Variants in CSMD1 observed in about 807,000 individuals in gnomAD.
The protein encoded by CSMD1 is CUB and sushi domain-containing protein 1.
Under a neutral mutation model 417.5 loss-of-function variants are expected in CSMD1, and 213 were observed. The observed-to-expected ratio is 0.51, with a 90% CI of 0.46 to 0.57. CSMD1 has a LOEUF of 0.57. CSMD1 is among the 20% of genes least tolerant of loss of function. CSMD1 has a pLI of 0.00. For missense variants in CSMD1, 6,923 were observed against 4,529.7 expected, an observed-to-expected ratio of 1.53 and a Z score of -15.17; for synonymous variants, 2,862 against 1,736.8, an observed-to-expected ratio of 1.65 and a Z score of -16.11.
intron 1 of CSMD1, among the ~76,000 whole-genome samples, chr8:4,905,738 T>G (rs573640898): frequency 2.1e-3 from 303 of 143,820 alleles, no homozygotes; most frequent in African/African-American, 6.0e-3. Context: ...GAGAATGGCG[T>G]GAAACCGGGA....
At position 3,533,889 on chromosome 8, in the gene CSMD1, T is replaced by C. The variant is rs562930121; in HGVS notation, c.1345-40163A>G. Among the ~76,000 whole-genome samples the C allele has an allele frequency of 1.2e-4, 19 of 152,240 alleles. 1 individual carries two copies. Among genetic ancestry groups the C allele is most frequent in the Non-Finnish European group, 2.6e-4 (18 of 68,042 alleles). ...ATCTACAATCGAAATCTTTCAGATG[T>C]ATCAGCTCGTCATTCACCAAGAATC... On this transcript the variant is annotated intron_variant, in intron 10 of 69. Transcript: ENST00000635120.
At chr8:2,976,733 A>G (rs780934114) in intron 55 of CSMD1, among the ~76,000 whole-genome samples, 2 of 152,224 alleles carry the variant, frequency 1.3e-5, no homozygotes, top group Non-Finnish European at 2.9e-5. Context: ...CTAATTTCAA[A>G]AAGACTAAAG....
At chr8:3,904,252 C>T (rs1170440966) in intron 5 of CSMD1, among the ~76,000 whole-genome samples, 2 of 152,192 alleles carry the variant, frequency 1.3e-5, no homozygotes, top group South Asian at 4.1e-4. Context: ...AGACGAATAG[C>T]ACCTTCCCTT....
intron 10 of CSMD1, among the ~76,000 whole-genome samples, chr8:3,568,645 T>C (rs1465772093): frequency 2.0e-5 from 3 of 152,230 alleles, no homozygotes; most frequent in South Asian, 4.1e-4. Context: ...ACAGAAACTT[T>C]TAACTTAGAA....
At chr8:4,299,592 A>C (rs377569331) in intron 3 of CSMD1, among the ~76,000 whole-genome samples, 1 of 152,186 alleles carries the variant, frequency 6.6e-6, no homozygotes, top group South Asian at 2.1e-4. Flanking sequence ...AATATGCCCC[A>C]TATTGGCCAA....
intron 1 of CSMD1, among the ~76,000 whole-genome samples, chr8:4,915,654 G>T (rs561404992): frequency 3.9e-5 from 6 of 152,184 alleles, no homozygotes; most frequent in Non-Finnish European, 7.3e-5. Flanking sequence ...CCCAGACCTC[G>T]GACGAGGGAA....
intron 2 of CSMD1, among the ~76,000 whole-genome samples, chr8:4,593,148 T>A (rs1209375049): frequency 6.6e-6 from 1 of 152,186 alleles, no homozygotes; most frequent in East Asian, 1.9e-4. Context: ...TGCTGAGGTC[T>A]CAGCATTGAG....
chr8:4,403,935 G>C (rs1027029875), intron 3 of CSMD1, among the ~76,000 whole-genome samples: 3 of 152,086 alleles, frequency 2.0e-5, no homozygotes, highest in Non-Finnish European at 4.4e-5. Flanking sequence ...TTCGCCTTTT[G>C]AAGTGTCCTC....
At chr8:4,898,671 A>G (rs949686171) in intron 1 of CSMD1, among the ~76,000 whole-genome samples, 4 of 152,202 alleles carry the variant, frequency 2.6e-5, no homozygotes, top group Non-Finnish European at 4.4e-5. Context: ...AATTATACAG[A>G]CAGGAAAGAC....
At chr8:4,589,326 A>G (rs534831833) in intron 2 of CSMD1, among the ~76,000 whole-genome samples, 10 of 152,290 alleles carry the variant, frequency 6.6e-5, no homozygotes, top group Middle Eastern at 3.4e-3. Context: ...ATCTTTAGCC[A>G]TGTTTTTTCT....
At chr8:3,171,208 T>TAAAGG (rs1820563069) in intron 37 of CSMD1, among the ~76,000 whole-genome samples, 1 of 152,202 alleles carries the variant, frequency 6.6e-6, no homozygotes, top group East Asian at 1.9e-4. Flanking sequence ...CTTTATAAAG[T>TAAAGG]ATCGCATGAC....
In CSMD1 at chr8:3,350,080, AAT is replaced by A. The variant is rs1201613005; in HGVS notation, c.3305-1921_3305-1920del. Among the ~76,000 whole-genome samples, 147 of 136,946 alleles carry A rather than the reference AAT, an allele frequency of 1.1e-3. 3 individuals are homozygous for A. The highest frequency in any genetic ancestry group is 3.0e-3 in the East Asian group (14 of 4,726). The allele number at this position is 136,946 out of a possible 152,430, so 89.8% of individuals were successfully genotyped here. A position where few individuals can be genotyped will look rare whatever the true frequency, so the allele number is the denominator to read the frequency against. ...AATAACTTGTGTATGTGTGTGTTAT[AAT>A]ACCTATAATAACCTATAATAACTTG... On this transcript the variant is annotated intron_variant, in intron 21 of 69. Transcript: ENST00000635120.
intron 23 of CSMD1, among the ~76,000 whole-genome samples, chr8:3,333,799 A>C (rs966656697): frequency 4.6e-5 from 7 of 152,240 alleles, no homozygotes; most frequent in African/African-American, 1.7e-4. Context: ...ACACCGTAAA[A>C]AGCAAGAAGG....
At chr8:3,651,093 G>T (rs1055477486) in intron 7 of CSMD1, among the ~76,000 whole-genome samples, 3 of 152,104 alleles carry the variant, frequency 2.0e-5, no homozygotes, top group African/African-American at 7.2e-5. Flanking sequence ...TGCATACAAT[G>T]GCCGTTTATC....
At chr8:4,578,197 G>A (rs1181895320) in intron 2 of CSMD1, among the ~76,000 whole-genome samples, 2 of 152,054 alleles carry the variant, frequency 1.3e-5, no homozygotes, top group African/African-American at 4.8e-5. Context: ...GTCTCGCTCT[G>A]TTGCCCACGC....
intron 2 of CSMD1, among the ~76,000 whole-genome samples, chr8:4,518,764 A>G (rs1363990414): frequency 6.6e-6 from 1 of 152,042 alleles, no homozygotes; most frequent in African/African-American, 2.4e-5. Context: ...TTAAATTATA[A>G]TAATAATAAA....
intron 18 of CSMD1, among the ~76,000 whole-genome samples, chr8:3,384,891 A>ATT: frequency 1.6e-5 from 2 of 122,290 alleles, no homozygotes; most frequent in East Asian, 4.4e-4. Context: ...GCAAATATAT[A>ATT]ATATATATTA....
At chr8:3,745,246 C>T (rs1277175046) in intron 6 of CSMD1, among the ~76,000 whole-genome samples, 2 of 152,168 alleles carry the variant, frequency 1.3e-5, no homozygotes, top group African/African-American at 4.8e-5. Context: ...CAAAAGTTAA[C>T]TACAAGGCTC....
intron 68 of CSMD1, 74 bp from the exon 69 acceptor site, chr8:2,942,678 A>G: frequency 8.2e-7 from 1 of 1,220,988 alleles, no homozygotes; most frequent in South Asian, 1.9e-5. Context: ...TAAATTTTGT[A>G]AATGGATACG....
Sources: allele counts gnomAD v4.1 joint callset (sites outside exome capture counted in the v4.1 genomes callset), GRCh38; gene constraint gnomAD v4.1.1; transcripts MANE v1.5; gene names NCBI Gene and HGNC (gene_info 2026-07-23, HGNC 2026-07-21).